ADAM10: variants seen among roughly 807,000 people sequenced by gnomAD.
ADAM10 encodes the protein disintegrin and metalloproteinase domain-containing protein 10.
A neutral mutation model predicts 90.1 loss-of-function variants in ADAM10; 17 were observed. The observed-to-expected ratio is 0.19, with a 90% CI of 0.13 to 0.28. The LOEUF (loss-of-function observed/expected upper bound fraction) is 0.28. Among genes scored for constraint, ADAM10 ranks in the 10% least tolerant of loss-of-function variants. ADAM10 has a pLI of 1.00. For missense variants in ADAM10, 610 were observed against 914.3 expected, an observed-to-expected ratio of 0.67 and a Z score of 4.29; for synonymous variants, 310 against 298.6, an observed-to-expected ratio of 1.04 and a Z score of -0.40.
At chr15:58,656,315 T>C (rs1158261833) in intron 5 of ADAM10, among the ~76,000 whole-genome samples, 1 of 152,202 alleles carries the variant, frequency 6.6e-6, no homozygotes, top group Non-Finnish European at 1.5e-5. Context: ...TGACATTCAA[T>C]GTTATTACTG....
At chr15:58,749,080 G>A in intron 1 of ADAM10, 1 of 398,704 alleles carries the variant, frequency 2.5e-6, no homozygotes, top group Non-Finnish European at 4.4e-6. Context: ...AACGAGGACG[G>A]CGAGACCGCC....
At chr15:58,644,166 C>T (rs1385748935) in intron 6 of ADAM10, among the ~76,000 whole-genome samples, 188 bp from the exon 7 acceptor site, 2 of 150,670 alleles carry the variant, frequency 1.3e-5, no homozygotes, top group Non-Finnish European at 2.9e-5. Flanking sequence ...ATTCTACTTT[C>T]TTTTCCAGAC....
intron 5 of ADAM10, among the ~76,000 whole-genome samples, chr15:58,653,045 C>T (rs973220694): frequency 6.6e-6 from 1 of 152,130 alleles, no homozygotes; most frequent in Non-Finnish European, 1.5e-5. Flanking sequence ...AGAAATGCTA[C>T]TGATTTTTGT....
intron 1 of ADAM10, among the ~76,000 whole-genome samples, chr15:58,743,393 A>T (rs1322474015): frequency 6.6e-6 from 1 of 152,032 alleles, no homozygotes; most frequent in Non-Finnish European, 1.5e-5. Flanking sequence ...TTTAAGCTAG[A>T]CCCTTCCAAA....
At chr15:58,610,825 A>G (rs1410798236) in intron 13 of ADAM10, 174 bp downstream of exon 13, 3 of 661,114 alleles carry the variant, frequency 4.5e-6, no homozygotes, top group Non-Finnish European at 8.1e-6. Flanking sequence ...AAAACATTGT[A>G]GAGACCATAA....
chr15:58,679,367 T>TATATATACACACATGCATAC, intron 3 of ADAM10, 85 bp from the exon 4 acceptor site: 1 of 1,189,886 alleles, frequency 8.4e-7, no homozygotes, highest in Non-Finnish European at 1.2e-6. Context: ...TATGTGTGTA[T>TATATATACACACATGCATAC]ATATATACAC....
At chr15:58,734,723 A>G (rs1213574608) in intron 1 of ADAM10, among the ~76,000 whole-genome samples, 3 of 151,830 alleles carry the variant, frequency 2.0e-5, no homozygotes, top group African/African-American at 7.3e-5. Context: ...AAAAAAACTG[A>G]AAAGAAAAAA....
chr15:58,605,155 G>C (rs1895234736), intron 14 of ADAM10, among the ~76,000 whole-genome samples: 1 of 152,190 alleles, frequency 6.6e-6, no homozygotes, highest in African/African-American at 2.4e-5. Context: ...AAGGTAAAAA[G>C]AACCTAGTCG....
chr15:58,749,545 C>T lies in ADAM10; in HGVS notation c.-11G>A, dbSNP rs1899911551. 6.4e-7 allele frequency: 1 copy of T among 1,551,702 alleles called. No homozygotes were observed. The highest frequency in any genetic ancestry group is 8.7e-7 in the Non-Finnish European group (1 of 1,147,114). ...TCTCAGCAACACCATCTTCCGCTGCCGCTGCCGCCGCCGCCGCCTCCTCAC... is the reference window on the plus strand; with the variant it reads ...TCTCAGCAACACCATCTTCCGCTGCTGCTGCCGCCGCCGCCGCCTCCTCAC... On this transcript the variant is annotated 5_prime_UTR_variant, in exon 1 of 16. Coordinates refer to ENST00000260408, the MANE Select transcript of ADAM10 (RefSeq NM_001110.4).
At chr15:58,695,040 A>AG (rs1897938306) in intron 2 of ADAM10, among the ~76,000 whole-genome samples, 2 of 152,370 alleles carry the variant, frequency 1.3e-5, no homozygotes, top group South Asian at 4.1e-4. Context: ...TTATGTAAGT[A>AG]GGGGTCAGTA....
rs768703091 is a variant in ADAM10 at position 58,610,394 on chromosome 15, A to G, written c.1928T>C (p.Met643Thr). 6 of 1,614,242 alleles carry G rather than the reference A, an allele frequency of 3.7e-6. No homozygotes were observed. In the Admixed American group the frequency reaches 1.0e-4, roughly 27 times the overall value. Reference protein sequence around the residue: ...NDFRGYCDVFMRCRLVDADGP... With the variant: ...NDFRGYCDVFTRCRLVDADGP... ...ATCAGCATCTACTAATCTGCACCGC[A>G]TGAAAACATCACAGTAACCTCTAAA... is the stretch of plus-strand genomic sequence containing the variant. Residue 643 changes from methionine to threonine, a missense_variant, in exon 14 of 16, where the codon ATG (methionine) becomes ACG (threonine). Coordinates refer to ENST00000260408, the MANE Select transcript of ADAM10 (RefSeq NM_001110.4).
intron 5 of ADAM10, among the ~76,000 whole-genome samples, chr15:58,659,403 T>A (rs1027498307): frequency 2.0e-5 from 3 of 152,184 alleles, no homozygotes; most frequent in African/African-American, 7.2e-5. Context: ...CTTCCTTCTA[T>A]TTTTAGTTTG....
intron 5 of ADAM10, among the ~76,000 whole-genome samples, chr15:58,662,680 G>T (rs962779156): frequency 1.1e-4 from 16 of 152,142 alleles, no homozygotes; most frequent in Non-Finnish European, 2.2e-4. Flanking sequence ...TCATTTCACA[G>T]AGTCCAGGTA....
At chr15:58,665,890 TTCA>T (rs1212394716) in intron 4 of ADAM10, among the ~76,000 whole-genome samples, 1 of 151,860 alleles carries the variant, frequency 6.6e-6, no homozygotes, top group African/African-American at 2.4e-5. Flanking sequence ...TCATCATTCA[TTCA>T]TCATCATTCA....
chr15:58,614,344 T>C (rs186075882), intron 11 of ADAM10, among the ~76,000 whole-genome samples: 7 of 151,862 alleles, frequency 4.6e-5, no homozygotes, highest in Non-Finnish European at 7.4e-5. Context: ...ATTAAAATAA[T>C]AGCTGAAAAT....
chr15:58,601,858 G>C (rs1275797755), intron 14 of ADAM10, among the ~76,000 whole-genome samples: 1 of 152,158 alleles, frequency 6.6e-6, no homozygotes, highest in African/African-American at 2.4e-5. Flanking sequence ...GGTTCCTCTG[G>C]TGTTTCTTTG....
At chr15:58,717,455 G>C in intron 2 of ADAM10, 122 bp downstream of exon 2, 1 of 1,246,570 alleles carries the variant, frequency 8.0e-7, no homozygotes, top group Non-Finnish European at 1.1e-6. Flanking sequence ...AATTCCAGTG[G>C]AAATGGAATT....
chr15:58,657,548 A>T (rs1457886931), intron 5 of ADAM10, among the ~76,000 whole-genome samples: 1 of 152,034 alleles, frequency 6.6e-6, no homozygotes, highest in African/African-American at 2.4e-5. Context: ...CTTTTTAATT[A>T]TTTCAATGTT....
intron 3 of ADAM10, among the ~76,000 whole-genome samples, chr15:58,681,131 T>C (rs1897429606): frequency 2.0e-5 from 3 of 152,176 alleles, no homozygotes; most frequent in African/African-American, 7.2e-5. Flanking sequence ...ATGATTTTTA[T>C]CTGCAATCTC....
Sources: allele counts gnomAD v4.1 joint callset (sites outside exome capture counted in the v4.1 genomes callset), GRCh38; gene constraint gnomAD v4.1.1; transcripts MANE v1.5; gene names NCBI Gene and HGNC (gene_info 2026-07-23, HGNC 2026-07-21).